C8orf34: variants seen among roughly 807,000 people sequenced by gnomAD.
C8orf34 encodes chromosome 8 open reading frame 34.
In C8orf34, 65 loss-of-function variants were observed where a neutral mutation model predicts 68.3. The ratio of observed to expected loss-of-function variants is 0.95; its 90% CI spans 0.78 to 1.17. C8orf34 has a LOEUF of 1.17. Among genes scored for constraint, C8orf34 ranks in the 50% most tolerant of loss-of-function variants. C8orf34 has a pLI of 0.00. For missense variants in C8orf34, 664 were observed against 655.4 expected (o/e 1.01, Z -0.14); for synonymous variants, 244 against 241.2 (o/e 1.01, Z -0.11).
intron 1 of C8orf34, among the ~76,000 whole-genome samples, chr8:68,430,032 ACAGAC>A (rs1810388529): frequency 6.6e-6 from 1 of 152,232 alleles, no homozygotes; most frequent in Non-Finnish European, 1.5e-5. Flanking sequence ...TGCTTGCCAG[ACAGAC>A]CAAACCTTGA....
intron 1 of C8orf34, among the ~76,000 whole-genome samples, chr8:68,367,912 G>GAAAAAAAAAAAAAAAAA (rs61562318): frequency 0.014 from 1,109 of 79,046 alleles, 2 homozygotes; most frequent in Middle Eastern, 0.022. Context: ...AAAAAGAAAA[G>GAAAAAAAAAAAAAAAAA]AAAAAAAAAA....
At chr8:68,707,559 T>C (rs945475310) in intron 8 of C8orf34, among the ~76,000 whole-genome samples, 1 of 152,178 alleles carries the variant, frequency 6.6e-6, no homozygotes, top group South Asian at 2.1e-4. Context: ...GAGATTTATT[T>C]TCTTTTTAGG....
chr8:68,736,814 AC>A (rs1822135589), intron 10 of C8orf34, among the ~76,000 whole-genome samples: 1 of 152,042 alleles, frequency 6.6e-6, no homozygotes, highest in Non-Finnish European at 1.5e-5. Flanking sequence ...TATACTTCAA[AC>A]GTCACATTAT....
intron 8 of C8orf34, among the ~76,000 whole-genome samples, chr8:68,652,940 A>G (rs1339430104): frequency 6.6e-6 from 1 of 152,202 alleles, no homozygotes; most frequent in Non-Finnish European, 1.5e-5. Flanking sequence ...ATAAATATGT[A>G]TGTAAGGCAT....
Position 68,565,555 on chromosome 8 carries a change from C to T in C8orf34, c.1105+32406C>T, listed in dbSNP as rs115473745. ...AAGGGAATGAGCATTTAAAAGACAA[C>T]GTAGGAATGCAGTGTGCCCTTTAGA... On this transcript the variant is annotated intron_variant, in intron 7 of 13. Coordinates refer to ENST00000518698, the MANE Select transcript of C8orf34 (RefSeq NM_052958.4). Among the ~76,000 whole-genome samples, 843 of 152,264 alleles carry T rather than the reference C, an allele frequency of 5.5e-3. 8 individuals carry two copies. The highest frequency in any genetic ancestry group is 0.019 in the African/African-American group (810 of 41,562).
At chr8:68,464,868 A>G (rs1245426074) in intron 3 of C8orf34, among the ~76,000 whole-genome samples, 1 of 152,060 alleles carries the variant, frequency 6.6e-6, no homozygotes, top group East Asian at 1.9e-4. Flanking sequence ...CCTAGGCAAT[A>G]CCATTCAGGA....
At chr8:68,673,026 G>A (rs1268866857) in intron 8 of C8orf34, among the ~76,000 whole-genome samples, 1 of 152,120 alleles carries the variant, frequency 6.6e-6, no homozygotes, top group Non-Finnish European at 1.5e-5. Flanking sequence ...CTGGGACCAG[G>A]AGAGAACTCA....
intron 7 of C8orf34, among the ~76,000 whole-genome samples, chr8:68,542,562 A>G (rs1052505114): frequency 2.0e-5 from 3 of 152,116 alleles, no homozygotes; most frequent in Non-Finnish European, 1.5e-5. Flanking sequence ...GTAGTTTAAG[A>G]TAGGAAAGAT....
At chr8:68,615,439 T>G (rs1386011223) in intron 7 of C8orf34, among the ~76,000 whole-genome samples, 5 of 151,882 alleles carry the variant, frequency 3.3e-5, no homozygotes, top group Non-Finnish European at 5.9e-5. Context: ...TCATAGATAG[T>G]TCTTGTTATT....
At chr8:68,457,987 A>G (rs1417529422) in intron 3 of C8orf34, among the ~76,000 whole-genome samples, 3 of 152,110 alleles carry the variant, frequency 2.0e-5, no homozygotes, top group East Asian at 1.9e-4. Context: ...CAGACAAATG[A>G]CTTCCCAAAT....
At chr8:68,434,636 G>A (rs923321429) in intron 1 of C8orf34, among the ~76,000 whole-genome samples, 1 of 152,146 alleles carries the variant, frequency 6.6e-6, no homozygotes, top group Non-Finnish European at 1.5e-5. Context: ...AAAAGTATTT[G>A]TTCCAGCAAC....
At chr8:68,767,242 A>G (rs561072801) in intron 10 of C8orf34, among the ~76,000 whole-genome samples, 2 of 152,226 alleles carry the variant, frequency 1.3e-5, no homozygotes, top group South Asian at 2.1e-4. Flanking sequence ...AACTAAGAAA[A>G]CCCATCAGTA....
chr8:68,777,205 A>C (rs1823544689), intron 11 of C8orf34, among the ~76,000 whole-genome samples: 1 of 152,216 alleles, frequency 6.6e-6, no homozygotes, highest in South Asian at 2.1e-4. Flanking sequence ...TCCCCACTTA[A>C]CAGTGGATCT....
chr8:68,370,833 C>T (rs1015033499), intron 1 of C8orf34, among the ~76,000 whole-genome samples: 30 of 152,182 alleles, frequency 2.0e-4, no homozygotes, highest in African/African-American at 6.5e-4. Flanking sequence ...TTTGGTCTAA[C>T]ATCCTTAGAA....
In C8orf34 at chr8:68,783,462, G is replaced by A. The variant is rs1823748772; in HGVS notation, c.1456-3981G>A. The stretch of plus-strand genomic sequence containing the variant: ...GAACCTGGGAGGCGGAGGTTGCAGT[G>A]AGCCAAGATGGTGCCATTGCAATTG... On this transcript the variant is annotated intron_variant, in intron 11 of 13. Transcript: ENST00000518698. Among the ~76,000 whole-genome samples, 3 of 116,512 alleles carry A rather than the reference G, an allele frequency of 2.6e-5. No individual in the cohort carries two copies. The South Asian group carries it at 7.7e-4, about 30-fold the overall frequency. 76.4% of individuals were successfully genotyped at this position (116,512 alleles called of 152,430 possible).
At position 68,665,247 on chromosome 8, in the gene C8orf34, CA is replaced by C. The variant is rs371488825; in HGVS notation, c.1241+24738del. ...TTCAAAATACAGATGGAAATATTGG[CA>C]ACTTTAAATTGTGTATACAGGCAGT... On this transcript the variant is annotated intron_variant, in intron 8 of 13. Coordinates refer to ENST00000518698, the MANE Select transcript of C8orf34 (RefSeq NM_052958.4). Among the ~76,000 whole-genome samples the C allele has an allele frequency of 6.8e-4, 103 of 152,206 alleles. 1 individual carries two copies. The highest frequency in any genetic ancestry group is 2.0e-3 in the African/African-American group (85 of 41,538).
At chr8:68,574,431 C>T (rs540347979) in intron 7 of C8orf34, among the ~76,000 whole-genome samples, 3 of 152,126 alleles carry the variant, frequency 2.0e-5, no homozygotes, top group African/African-American at 4.8e-5. Context: ...ACAAAATTAG[C>T]ATAAGATTAG....
At chr8:68,394,083 T>C (rs1179845246) in intron 1 of C8orf34, among the ~76,000 whole-genome samples, 2 of 121,472 alleles carry the variant, frequency 1.6e-5, no homozygotes, top group Non-Finnish European at 3.8e-5. Flanking sequence ...TGGGTAGGCA[T>C]GCCATTTTTT....
chr8:68,755,168 T>C (rs1822819372), intron 10 of C8orf34, among the ~76,000 whole-genome samples: 1 of 152,198 alleles, frequency 6.6e-6, no homozygotes, highest in Admixed American at 6.5e-5. Flanking sequence ...GTATAAGATC[T>C]TTCTAGAAGA....
Sources: allele counts gnomAD v4.1 joint callset (sites outside exome capture counted in the v4.1 genomes callset), GRCh38; gene constraint gnomAD v4.1.1; transcripts MANE v1.5; gene names NCBI Gene and HGNC (gene_info 2026-07-23, HGNC 2026-07-21).